The following AMPH variants were observed in gnomAD, a reference collection of about 807,000 sequenced individuals.
AMPH encodes amphiphysin (Stiff-Mann syndrome with breast cancer 128kD autoantigen).
In AMPH, 49 loss-of-function variants were observed where a neutral mutation model predicts 99.1. The observed-to-expected ratio is 0.49, with a 90% confidence interval of 0.39 to 0.63. The LOEUF is 0.63. Among genes scored for constraint, AMPH ranks in the 20% least tolerant of loss-of-function variants. AMPH has a pLI of 0.00. For missense variants in AMPH, 759 were observed against 863.4 expected (o/e 0.88, Z 1.52); for synonymous variants, 314 against 317.3 (o/e 0.99, Z 0.11).
At chr7:38,625,537 C>A (rs1794213260) in intron 1 of AMPH, among the ~76,000 whole-genome samples, 1 of 152,100 alleles carries the variant, frequency 6.6e-6, no homozygotes, top group Non-Finnish European at 1.5e-5. Flanking sequence ...AAAAGCAAGG[C>A]ACTGTCTGGA....
chr7:38,552,426 TTTTAA>T (rs1337248325), intron 1 of AMPH, among the ~76,000 whole-genome samples: 6 of 152,220 alleles, frequency 3.9e-5, no homozygotes, highest in Non-Finnish European at 7.3e-5. Flanking sequence ...GGAGTAATTA[TTTTAA>T]TTTAATACCC....
intron 17 of AMPH, among the ~76,000 whole-genome samples, chr7:38,416,417 T>C (rs965523487): frequency 6.6e-6 from 1 of 152,020 alleles, no homozygotes; most frequent in Non-Finnish European, 1.5e-5. Context: ...CACTGAATAG[T>C]CTTGGGCATA....
At chr7:38,589,172 T>A (rs1249775750) in intron 1 of AMPH, among the ~76,000 whole-genome samples, 1 of 152,198 alleles carries the variant, frequency 6.6e-6, no homozygotes, top group Non-Finnish European at 1.5e-5. Flanking sequence ...AGAAATAAGA[T>A]AATCAGAGAT....
intron 1 of AMPH, among the ~76,000 whole-genome samples, chr7:38,583,212 G>A (rs1792529230): frequency 6.6e-6 from 1 of 152,126 alleles, no homozygotes; most frequent in African/African-American, 2.4e-5. Flanking sequence ...GATAACTTTA[G>A]AAATCAACAG....
intron 1 of AMPH, among the ~76,000 whole-genome samples, chr7:38,619,560 A>G (rs1473607705): frequency 1.3e-5 from 2 of 152,238 alleles, no homozygotes; most frequent in African/African-American, 2.4e-5. Flanking sequence ...ACTCTACCCA[A>G]CAACAGCAAA....
intron 19 of AMPH, 72 bp from the exon 20 acceptor site, chr7:38,389,977 C>CT: frequency 8.5e-7 from 1 of 1,175,610 alleles, no homozygotes; most frequent in Non-Finnish European, 1.3e-6. Context: ...ACAAGTCACT[C>CT]TCCAACCTGG....
chr7:38,570,521 C>A (rs1200773541), intron 1 of AMPH, among the ~76,000 whole-genome samples: 1 of 152,082 alleles, frequency 6.6e-6, no homozygotes, highest in Non-Finnish European at 1.5e-5. Flanking sequence ...GATATCATGG[C>A]ACAATGCATT....
intron 1 of AMPH, among the ~76,000 whole-genome samples, chr7:38,566,959 G>A (rs1250742720): frequency 4.6e-5 from 7 of 152,160 alleles, no homozygotes; most frequent in Non-Finnish European, 8.8e-5. Context: ...AATTAGTTCA[G>A]CCATTGTGGA....
intron 2 of AMPH, among the ~76,000 whole-genome samples, chr7:38,511,959 C>T (rs533282357): frequency 2.6e-5 from 4 of 152,232 alleles, no homozygotes; most frequent in African/African-American, 9.6e-5. Flanking sequence ...TCTTTAGAGA[C>T]ACAAGTCAAA....
Position 38,469,153 on chromosome 7 carries a change from CAAAAAAAAAAAAAAAAAAAAAAA to C in AMPH, c.591-2928_591-2906del, listed in dbSNP as rs869172352. Among the ~76,000 whole-genome samples, 3 of 28,880 alleles carry C rather than the reference CAAAAAAAAAAAAAAAAAAAAAAA, an allele frequency of 1.0e-4. 1 individual carries two copies. Among genetic ancestry groups the C allele is most frequent in the African/African-American group, 4.7e-4 (2 of 4,292 alleles). 18.9% of individuals were successfully genotyped at this position (28,880 alleles called of 152,430 possible). On this transcript the variant is annotated intron_variant, in intron 7 of 20. Coordinates refer to ENST00000356264, the MANE Select transcript of AMPH (RefSeq NM_001635.4). The stretch of plus-strand genomic sequence containing the variant: ...TGGGCGACAGAGCGAGACTCCGCCT[CAAAAAAAAAAAAAAAAAAAAAAA>C]AAAAAAAAAAAAGAACATACAGACA...
At chr7:38,553,123 C>G (rs765105675) in intron 1 of AMPH, among the ~76,000 whole-genome samples, 2 of 152,190 alleles carry the variant, frequency 1.3e-5, no homozygotes, top group African/African-American at 2.4e-5. Flanking sequence ...TGTCTGGAGA[C>G]CTCTCCTTTA....
At chr7:38,571,334 A>T (rs9768136) in intron 1 of AMPH, among the ~76,000 whole-genome samples, 2 of 60,108 alleles carry the variant, frequency 3.3e-5, no homozygotes, top group Non-Finnish European at 2.9e-5. Context: ...ATATATATTT[A>T]TATATAGAAT....
chr7:38,562,681 G>A (rs1791597199), intron 1 of AMPH, among the ~76,000 whole-genome samples: 1 of 151,578 alleles, frequency 6.6e-6, no homozygotes, highest in African/African-American at 2.4e-5. Flanking sequence ...AGGGAGAGGA[G>A]AGGGGTATGG....
chr7:38,429,357 G>A (rs1167727519), intron 14 of AMPH: 1 of 1,289,958 alleles, frequency 7.8e-7, no homozygotes, highest in Non-Finnish European at 1.0e-6. Context: ...AAGCAGGCTG[G>A]TGGATAATCT....
At chr7:38,584,610 G>A (rs958748564) in intron 1 of AMPH, among the ~76,000 whole-genome samples, 2 of 152,100 alleles carry the variant, frequency 1.3e-5, no homozygotes, top group African/African-American at 4.8e-5. Context: ...GGTCACTCTT[G>A]GCATATGATC....
Position 38,463,950 on chromosome 7 carries a change from C to G in AMPH, c.750-837G>C, listed in dbSNP as rs1787552921. 4.1e-6 allele frequency: 3 copies of G among 739,774 alleles called. No homozygotes were observed. The South Asian group carries it at 4.5e-5, about 11-fold the overall frequency. 45.8% of individuals were successfully genotyped at this position (739,774 alleles called of 1,614,324 possible). On this transcript the variant is annotated intron_variant, in intron 9 of 20. Transcript: ENST00000356264. ...TACACAGCAGCATGGTCTACATATTCAAAGGGCTGAGGAAACTGGGTCCTT... is the reference window on the plus strand; with the variant it reads ...TACACAGCAGCATGGTCTACATATTGAAAGGGCTGAGGAAACTGGGTCCTT...
intron 5 of AMPH, among the ~76,000 whole-genome samples, chr7:38,486,022 T>A (rs545537429): frequency 6.6e-6 from 1 of 151,836 alleles, no homozygotes; most frequent in East Asian, 1.9e-4. Context: ...ATAAACAACC[T>A]AACTCTACAT....
In AMPH at chr7:38,445,010, T is replaced by TATATATACACACACAC. The variant is rs1458295332; in HGVS notation, c.1018-8623_1018-8622insGTGTGTGTGTATATAT. Among the ~76,000 whole-genome samples, 11 of 125,988 alleles carry TATATATACACACACAC rather than the reference T, an allele frequency of 8.7e-5. No homozygotes were observed. The Admixed American group carries it at 9.0e-4, about 10-fold the overall frequency. The allele number at this position is 125,988 out of a possible 152,430, so 82.7% of individuals were successfully genotyped here. The stretch of plus-strand genomic sequence containing the variant: ...ATATACATATATATATATATATATA[T>TATATATACACACACAC]ACACACACACACACGGTATATACAT... On this transcript the variant is annotated intron_variant, in intron 11 of 20. Transcript: ENST00000356264.
At chr7:38,472,290 A>C (rs1195809285) in intron 7 of AMPH, among the ~76,000 whole-genome samples, 2 of 152,110 alleles carry the variant, frequency 1.3e-5, no homozygotes, top group African/African-American at 4.8e-5. Flanking sequence ...TGGCTTGTTA[A>C]AGAACATATG....
Sources: gnomAD v4.1 joint callset for allele counts (sites outside exome capture counted in the v4.1 genomes callset) on GRCh38, gnomAD v4.1.1 for gene constraint, MANE v1.5 for transcripts, NCBI Gene and HGNC (gene_info 2026-07-23, HGNC 2026-07-21) for gene names.